Variants in BMPR2 observed in about 807,000 individuals in gnomAD.
The protein encoded by BMPR2 is bone morphogenetic protein receptor type 2, also known as bone morphogenetic protein receptor type-2.
Under a neutral mutation model 100.8 loss-of-function variants are expected in BMPR2, and 29 were observed. The observed-to-expected ratio is 0.29, with a 90% CI of 0.21 to 0.39. The LOEUF (loss-of-function observed/expected upper bound fraction) is 0.39. Ranked by LOEUF, BMPR2 falls within the 10% of genes least tolerant of loss-of-function variation. The probability of loss-of-function intolerance (pLI) is 1.00; values close to 1 mark genes in which losing one functional copy is unlikely to be tolerated. For synonymous variants in BMPR2, 382 were observed against 442.3 expected, an observed-to-expected ratio of 0.86 and a Z score of 1.71; for missense variants, 1,011 against 1,274.5, an observed-to-expected ratio of 0.79 and a Z score of 3.15.
Position 202,555,964 on chromosome 2 carries a change from A to G in BMPR2, c.2299A>G (p.Lys767Glu). 6.2e-7 allele frequency: 1 copy of G among 1,614,192 alleles called. No individual in the cohort carries two copies. The highest frequency in any genetic ancestry group is 2.2e-5 in the East Asian group (1 of 44,884). The change falls in exon 12 of 13, where the codon AAA (lysine) becomes GAA (glutamate). Residue 767 changes from lysine to glutamate, a missense_variant. Lys to Glu is a moderately conservative substitution (Grantham distance 56). This residue lies in a region of BMPR2 where 508 missense variants were observed against 552.0 expected (regional missense o/e 0.92). Coordinates refer to ENST00000374580, the MANE Select transcript of BMPR2 (RefSeq NM_001204.7). ...SLPLNTKNST[K>E]EPRLKFGSKH... Reference sequence around the variant, plus strand: ...GCCTTTGAACACCAAAAATTCAACAAAAGAGCCCCGGCTAAAATTTGGCAG... The same window carrying G: ...GCCTTTGAACACCAAAAATTCAACAGAAGAGCCCCGGCTAAAATTTGGCAG...
intron 1 of BMPR2, among the ~76,000 whole-genome samples, chr2:202,385,055 T>C (rs1015107180): frequency 1.3e-5 from 2 of 152,196 alleles, no homozygotes; most frequent in Admixed American, 6.5e-5. Context: ...AATGTGTTAA[T>C]GATAAGTGTG....
At chr2:202,402,323 C>T (rs1240081944) in intron 1 of BMPR2, among the ~76,000 whole-genome samples, 1 of 152,004 alleles carries the variant, frequency 6.6e-6, no homozygotes, top group Non-Finnish European at 1.5e-5. Context: ...TCAAGACCAG[C>T]CTGACCAACA....
rs1450103440 is a variant in BMPR2 at position 202,567,235 on chromosome 2, T to C, written c.*7289T>C. 1 of 152,662 alleles carries C rather than the reference T, an allele frequency of 6.6e-6. No individual in the cohort carries two copies. Among genetic ancestry groups the C allele is most frequent in the Non-Finnish European group, 1.5e-5 (1 of 68,034 alleles). 9.5% of individuals were successfully genotyped at this position (152,662 alleles called of 1,614,324 possible). Reference sequence around the variant, plus strand: ...TGGAGATGCGTAGCTGTCATGCTTTTTCTGAATGGACAGGAGAAACATAAG... The same window carrying C: ...TGGAGATGCGTAGCTGTCATGCTTTCTCTGAATGGACAGGAGAAACATAAG... On this transcript the variant is annotated 3_prime_UTR_variant, in exon 13 of 13. Transcript: ENST00000374580.
intron 3 of BMPR2, chr2:202,469,548 C>A: frequency 3.4e-6 from 1 of 292,292 alleles, no homozygotes; most frequent in Non-Finnish European, 7.1e-6. Flanking sequence ...GGCACGATCC[C>A]GGCTCACTGC....
intron 1 of BMPR2, among the ~76,000 whole-genome samples, chr2:202,391,919 G>A (rs766129708): frequency 6.6e-6 from 1 of 150,802 alleles, no homozygotes; most frequent in Non-Finnish European, 1.5e-5. Context: ...GCGCCACCAC[G>A]CCCAGCTAAT....
chr2:202,556,820 C>T (rs887538378), intron 12 of BMPR2, among the ~76,000 whole-genome samples: 1 of 150,602 alleles, frequency 6.6e-6, no homozygotes, highest in Non-Finnish European at 1.5e-5. Flanking sequence ...CGCGGTGGCT[C>T]ACGCCTGTAA....
At chr2:202,395,174 G>T (rs1215049856) in intron 1 of BMPR2, among the ~76,000 whole-genome samples, 1 of 152,066 alleles carries the variant, frequency 6.6e-6, no homozygotes, top group African/African-American at 2.4e-5. Context: ...GCGCCACCAC[G>T]CCTGGCAAGT....
At chr2:202,558,789 A>G (rs531661902) in intron 12 of BMPR2, among the ~76,000 whole-genome samples, 74 of 150,818 alleles carry the variant, frequency 4.9e-4, no homozygotes, top group African/African-American at 1.5e-3. Flanking sequence ...GATACTTGGG[A>G]GGCTGAGGCA....
intron 1 of BMPR2, among the ~76,000 whole-genome samples, chr2:202,433,909 A>AAAAT (rs1465996993): frequency 1.3e-5 from 2 of 150,442 alleles, no homozygotes; most frequent in Non-Finnish European, 2.9e-5. Context: ...TCTGTCTCAA[A>AAAAT]AAATAAATAA....
At chr2:202,473,294 A>C (rs1435380745) in intron 3 of BMPR2, among the ~76,000 whole-genome samples, 2 of 152,056 alleles carry the variant, frequency 1.3e-5, no homozygotes, top group Non-Finnish European at 2.9e-5. Context: ...TTAGCTGGGC[A>C]TAGTGGCGCA....
chr2:202,474,524 A>AT (rs539668688), intron 3 of BMPR2, among the ~76,000 whole-genome samples: 2 of 151,946 alleles, frequency 1.3e-5, no homozygotes, highest in Non-Finnish European at 2.9e-5. Flanking sequence ...TGGAAAGGTT[A>AT]TTTTTTATTT....
At chr2:202,504,834 C>T (rs928085130) in intron 3 of BMPR2, among the ~76,000 whole-genome samples, 7 of 151,826 alleles carry the variant, frequency 4.6e-5, no homozygotes, top group Non-Finnish European at 1.0e-4. Context: ...TGCCTGCCCC[C>T]GTGCCTGGCT....
chr2:202,382,202 G>A (rs1468905868), intron 1 of BMPR2, among the ~76,000 whole-genome samples: 1 of 151,758 alleles, frequency 6.6e-6, no homozygotes, highest in Non-Finnish European at 1.5e-5. Flanking sequence ...TGGGATTATA[G>A]GTGTGCACCA....
At chr2:202,455,399 T>A (rs944379936) in intron 1 of BMPR2, among the ~76,000 whole-genome samples, 14 of 151,962 alleles carry the variant, frequency 9.2e-5, no homozygotes, top group East Asian at 1.9e-4. Flanking sequence ...AAAATAAAAA[T>A]AAAAAAATAT....
intron 1 of BMPR2, among the ~76,000 whole-genome samples, chr2:202,418,039 T>C (rs949046734): frequency 6.6e-6 from 1 of 152,126 alleles, no homozygotes; most frequent in African/African-American, 2.4e-5. Context: ...TTTTTAGACC[T>C]AATGCCATTG....
intron 3 of BMPR2, among the ~76,000 whole-genome samples, chr2:202,492,250 TGGCCTTGGTGCTAGTTACATAA>T (rs879671333): frequency 6.6e-5 from 10 of 152,148 alleles, no homozygotes; most frequent in African/African-American, 2.4e-4. Flanking sequence ...TTGTATTTTG[TGGCCTTGGTGCTAGTTACATAA>T]GTGTTTGCTT....
intron 1 of BMPR2, among the ~76,000 whole-genome samples, chr2:202,434,541 G>A (rs1691567798): frequency 6.7e-6 from 1 of 150,222 alleles, no homozygotes; most frequent in African/African-American, 2.5e-5. Context: ...TCAAACAAGG[G>A]CAATTTTTAA....
At chr2:202,535,368 C>T (rs548173172) in intron 9 of BMPR2, among the ~76,000 whole-genome samples, 2 of 146,828 alleles carry the variant, frequency 1.4e-5, no homozygotes, top group South Asian at 2.2e-4. Flanking sequence ...ACTTCTCAGA[C>T]GGGGCGGCCG....
rs528796508 is a variant in BMPR2, at chr2:202,549,140, T to C, written c.1414-3576T>C. ...TTTTATATAAATGGAATCATATAAA[T>C]GTACTGTTTTTCTGGCTTCTTTCAG... On this transcript the variant is annotated intron_variant, in intron 10 of 12. Coordinates refer to ENST00000374580, the MANE Select transcript of BMPR2 (RefSeq NM_001204.7). Among the ~76,000 whole-genome samples the C allele has an allele frequency of 1.2e-4, 18 of 152,282 alleles. No individual in the cohort carries two copies. In the East Asian group the frequency reaches 3.5e-3, roughly 29 times the overall value.
Sources: gnomAD v4.1 joint callset for allele counts (sites outside exome capture counted in the v4.1 genomes callset) on GRCh38, gnomAD v4.1.1 for gene constraint, gnomAD v4.1.1 regional missense constraint, MANE v1.5 for transcripts, NCBI Gene and HGNC (gene_info 2026-07-23, HGNC 2026-07-21) for gene names.